CNTN4: variants seen among roughly 807,000 people sequenced by gnomAD.
CNTN4 encodes contactin-4.
In CNTN4, 77 loss-of-function variants were observed where a neutral mutation model predicts 122.5. The observed-to-expected ratio is 0.63, with a 90% CI of 0.52 to 0.76. The LOEUF (loss-of-function observed/expected upper bound fraction) is 0.76, where lower values mean the gene tolerates loss of function less well. CNTN4 is among the 30% of genes least tolerant of loss of function. The pLI, the probability that CNTN4 is intolerant of heterozygous loss-of-function variation, is 0.00. For synonymous variants in CNTN4, 512 were observed against 447.0 expected, an observed-to-expected ratio of 1.15 and a Z score of -1.83; for missense variants, 1,256 against 1,259.1, an observed-to-expected ratio of 1.00 and a Z score of 0.04.
At chr3:2,336,372 A>G (rs1235644099) in intron 2 of CNTN4, among the ~76,000 whole-genome samples, 1 of 152,198 alleles carries the variant, frequency 6.6e-6, no homozygotes, top group Non-Finnish European at 1.5e-5. Flanking sequence ...GGTCTATGAT[A>G]GTAAAGGAAC....
At chr3:2,436,584 A>G (rs2616571) in intron 3 of CNTN4, among the ~76,000 whole-genome samples, 1 of 151,712 alleles carries the variant, frequency 6.6e-6, no homozygotes, top group Non-Finnish European at 1.5e-5. Flanking sequence ...GGATGTGGAA[A>G]TAGGGTGTTA....
chr3:2,633,939 C>T (rs1237442516), intron 4 of CNTN4, among the ~76,000 whole-genome samples: 4 of 152,198 alleles, frequency 2.6e-5, no homozygotes, highest in Non-Finnish European at 5.9e-5. Context: ...TACCTTTCAA[C>T]ATTGTTGATA....
In CNTN4 at chr3:2,692,166, A is replaced by G. The variant is rs150905730; in HGVS notation, c.56-44049A>G. Among the ~76,000 whole-genome samples, 18 of 152,326 alleles carry G rather than the reference A, an allele frequency of 1.2e-4. No homozygotes were observed. The South Asian group carries it at 2.7e-3, about 23-fold the overall frequency. The stretch of plus-strand genomic sequence containing the variant: ...TTCTTGCTATGCAACTGGCAATTCT[A>G]TCTGCTTATTCACAAATATTTGAAA... On this transcript the variant is annotated intron_variant, in intron 4 of 24. Coordinates refer to ENST00000418658, the MANE Select transcript of CNTN4 (RefSeq NM_175607.3).
At chr3:2,579,905 T>G (rs1367218321) in intron 4 of CNTN4, among the ~76,000 whole-genome samples, 1 of 152,204 alleles carries the variant, frequency 6.6e-6, no homozygotes, top group Non-Finnish European at 1.5e-5. Flanking sequence ...CTTAGAACAT[T>G]AGTTTCTGGC....
intron 13 of CNTN4, among the ~76,000 whole-genome samples, chr3:2,944,611 C>A (rs1559700613): frequency 6.6e-6 from 1 of 152,254 alleles, no homozygotes; most frequent in African/African-American, 2.4e-5. Flanking sequence ...AGAAAACTAA[C>A]AGGAATAATT....
At chr3:2,672,283 A>C (rs540255783) in intron 4 of CNTN4, among the ~76,000 whole-genome samples, 1,600 of 112,062 alleles carry the variant, frequency 0.014, 30 homozygotes, top group African/African-American at 0.065. Flanking sequence ...TTCCAGGCCA[A>C]TTTGTTTACC....
intron 4 of CNTN4, among the ~76,000 whole-genome samples, chr3:2,677,477 C>T (rs1465149888): frequency 1.9e-3 from 50 of 26,468 alleles, no homozygotes; most frequent in African/African-American, 4.1e-3. Flanking sequence ...TCCATCTATC[C>T]ATCTATATCT....
chr3:2,886,415 TA>T (rs201855836), intron 9 of CNTN4, among the ~76,000 whole-genome samples: 35 of 130,714 alleles, frequency 2.7e-4, no homozygotes, highest in African/African-American at 4.2e-4. Flanking sequence ...AAAAATATAT[TA>T]AAAAAAAAAG....
chr3:2,324,017 G>A (rs2043361472), intron 2 of CNTN4, among the ~76,000 whole-genome samples: 1 of 152,162 alleles, frequency 6.6e-6, no homozygotes, highest in Non-Finnish European at 1.5e-5. Context: ...ATAAATCTTG[G>A]TTATGGGGAG....
intron 4 of CNTN4, among the ~76,000 whole-genome samples, chr3:2,701,373 C>T (rs1341848459): frequency 6.6e-6 from 1 of 152,092 alleles, no homozygotes; most frequent in Non-Finnish European, 1.5e-5. Flanking sequence ...GGAGATGAAG[C>T]AAAACGAGGG....
At chr3:2,171,165 A>T (rs1313675722) in intron 2 of CNTN4, among the ~76,000 whole-genome samples, 1 of 152,292 alleles carries the variant, frequency 6.6e-6, no homozygotes, top group East Asian at 1.9e-4. Context: ...AGTATTTTTT[A>T]TTACATCCAA....
At chr3:2,500,606 A>G (rs1259118685) in intron 3 of CNTN4, among the ~76,000 whole-genome samples, 4 of 152,092 alleles carry the variant, frequency 2.6e-5, no homozygotes, top group African/African-American at 7.2e-5. Context: ...ATCCACTGGT[A>G]CACTAATATG....
chr3:2,862,467 G>A (rs902368458), intron 7 of CNTN4, among the ~76,000 whole-genome samples: 2 of 152,114 alleles, frequency 1.3e-5, no homozygotes, highest in East Asian at 1.9e-4. Flanking sequence ...CCATTGCTAG[G>A]CCTTTCTTCT....
intron 14 of CNTN4, among the ~76,000 whole-genome samples, chr3:2,994,987 G>C (rs10510244): frequency 0.033 from 4,981 of 152,094 alleles, 96 homozygotes; most frequent in Non-Finnish European, 0.047. Context: ...ATTATTTCTG[G>C]GTGATAATTA....
chr3:2,651,055 T>C (rs2083335292), intron 4 of CNTN4, among the ~76,000 whole-genome samples: 1 of 152,206 alleles, frequency 6.6e-6, no homozygotes, highest in Non-Finnish European at 1.5e-5. Flanking sequence ...TTAACATCTT[T>C]TACTAGCAGA....
intron 3 of CNTN4, among the ~76,000 whole-genome samples, chr3:2,437,244 T>C (rs1025814527): frequency 6.6e-5 from 10 of 152,184 alleles, no homozygotes; most frequent in Admixed American, 5.2e-4. Context: ...GTCTGTTTAG[T>C]TGACACTTTC....
At chr3:2,580,537 A>G (rs548115396) in intron 4 of CNTN4, among the ~76,000 whole-genome samples, 5 of 152,320 alleles carry the variant, frequency 3.3e-5, no homozygotes, top group South Asian at 4.1e-4. Context: ...ATTTTCCACC[A>G]TAATCTTCCA....
At chr3:2,575,459 C>A (rs949950149) in intron 4 of CNTN4, among the ~76,000 whole-genome samples, 1 of 152,044 alleles carries the variant, frequency 6.6e-6, no homozygotes, top group Non-Finnish European at 1.5e-5. Context: ...TGCAGTGAGC[C>A]GAGATCGTAC....
At chr3:2,382,404 C>T in intron 3 of CNTN4, among the ~76,000 whole-genome samples, 1 of 152,096 alleles carries the variant, frequency 6.6e-6, no homozygotes, top group East Asian at 1.9e-4. Context: ...ATCCACCCGC[C>T]TCGGCCTCCC....
Sources: allele counts gnomAD v4.1 joint callset (sites outside exome capture counted in the v4.1 genomes callset), GRCh38; gene constraint gnomAD v4.1.1; transcripts MANE v1.5; gene names NCBI Gene and HGNC (gene_info 2026-07-23, HGNC 2026-07-21).